The following LYPLAL1 variants were observed in gnomAD, a reference collection of about 807,000 sequenced individuals.
LYPLAL1 encodes the protein lysophospholipase-like protein 1.
Under a neutral mutation model 19.7 loss-of-function variants are expected in LYPLAL1, and 23 were observed. The ratio of observed to expected loss-of-function variants is 1.17; its 90% CI spans 0.84 to 1.65. LYPLAL1 has a LOEUF of 1.65. Ranked by LOEUF, LYPLAL1 falls within the 40% of genes most tolerant of loss-of-function variation. The pLI, the probability that LYPLAL1 is intolerant of heterozygous loss-of-function variation, is 0.00. For synonymous variants in LYPLAL1, 119 were observed against 96.3 expected (o/e 1.24, Z -1.38); for missense variants, 355 against 279.4 (o/e 1.27, Z -1.93).
chr1:219,418,124 T>C, the LYPLAL1 span, among the ~76,000 whole-genome samples: 7 of 152,162 alleles, frequency 4.6e-5, no homozygotes, highest in Admixed American at 1.3e-4. Flanking sequence ...GTTTACCTAT[T>C]TGGAATCAGA....
downstream of LYPLAL1, among the ~76,000 whole-genome samples, chr1:219,217,707 C>T (rs149582557): frequency 7.2e-5 from 11 of 152,146 alleles, no homozygotes; most frequent in African/African-American, 2.6e-4. Context: ...AGGCTGGGAA[C>T]CCTGGAGTTT....
chr1:219,248,033 ATTTC>A, the LYPLAL1 span, among the ~76,000 whole-genome samples: 2 of 152,182 alleles, frequency 1.3e-5, no homozygotes, highest in African/African-American at 4.8e-5. Context: ...TTCTCAAAGT[ATTTC>A]TTAATATGCA....
chr1:219,323,382 G>A, the LYPLAL1 span, among the ~76,000 whole-genome samples: 1 of 152,186 alleles, frequency 6.6e-6, no homozygotes, highest in African/African-American at 2.4e-5. Context: ...GTCTCATTAT[G>A]TGGCCTTCAT....
chr1:219,220,779 G>A, the LYPLAL1 span, among the ~76,000 whole-genome samples: 1 of 152,120 alleles, frequency 6.6e-6, no homozygotes, highest in Non-Finnish European at 1.5e-5. Flanking sequence ...CATTGTTGAA[G>A]TGTTTTGCAA....
At chr1:219,249,017 G>A in the LYPLAL1 span, among the ~76,000 whole-genome samples, 1 of 151,754 alleles carries the variant, frequency 6.6e-6, no homozygotes, top group African/African-American at 2.4e-5. Context: ...TAATATATTG[G>A]GACCATTATT....
At chr1:219,364,717 A>G in the LYPLAL1 span, among the ~76,000 whole-genome samples, 51 of 152,204 alleles carry the variant, frequency 3.4e-4, no homozygotes, top group African/African-American at 1.2e-3. Flanking sequence ...CTTCTGCAGA[A>G]GAATCAAACA....
chr1:219,220,404 A>G, the LYPLAL1 span, among the ~76,000 whole-genome samples: 14 of 150,736 alleles, frequency 9.3e-5, no homozygotes, highest in Non-Finnish European at 2.1e-4. Context: ...CCAGCCATCT[A>G]CTAGTACCAT....
At chr1:219,409,228 C>T in the LYPLAL1 span, among the ~76,000 whole-genome samples, 10 of 152,088 alleles carry the variant, frequency 6.6e-5, no homozygotes, top group South Asian at 2.1e-4. Context: ...ATGGGCAGAT[C>T]GCTTGAGCCC....
chr1:219,367,090 C>T, the LYPLAL1 span, among the ~76,000 whole-genome samples: 4 of 151,976 alleles, frequency 2.6e-5, no homozygotes, highest in Admixed American at 2.0e-4. Context: ...GCATTTACCC[C>T]GAGATAACTT....
At chr1:219,422,794 G>C in the LYPLAL1 span, among the ~76,000 whole-genome samples, 1 of 152,106 alleles carries the variant, frequency 6.6e-6, no homozygotes, top group Non-Finnish European at 1.5e-5. Flanking sequence ...GCAGAAACTT[G>C]ATCTTGCTAC....
At chr1:219,358,276 C>A in the LYPLAL1 span, among the ~76,000 whole-genome samples, 1 of 152,116 alleles carries the variant, frequency 6.6e-6, no homozygotes, top group African/African-American at 2.4e-5. Flanking sequence ...AAGTTGCTGA[C>A]TAAGTAACTT....
chr1:219,274,786 T>C, the LYPLAL1 span, among the ~76,000 whole-genome samples: 1 of 152,198 alleles, frequency 6.6e-6, no homozygotes. Flanking sequence ...CTGAAAGCAG[T>C]CAAAGGAATG....
At chr1:219,213,903 C>A (rs1188814114), downstream of LYPLAL1, among the ~76,000 whole-genome samples, 1 of 152,072 alleles carries the variant, frequency 6.6e-6, no homozygotes, top group South Asian at 2.1e-4. Context: ...TTGCATATTA[C>A]ACTGGCTAGA....
At chr1:219,185,057 T>G (rs562885303) in intron 2 of LYPLAL1, among the ~76,000 whole-genome samples, 6 of 152,078 alleles carry the variant, frequency 3.9e-5, no homozygotes, top group Admixed American at 1.3e-4. Context: ...TATGAAGGTT[T>G]TGATAATGAA....
At chr1:219,322,899 G>A in the LYPLAL1 span, among the ~76,000 whole-genome samples, 1 of 152,168 alleles carries the variant, frequency 6.6e-6, no homozygotes, top group Non-Finnish European at 1.5e-5. Flanking sequence ...GATTCTAAAT[G>A]CCAGTTTGTT....
the LYPLAL1 span, among the ~76,000 whole-genome samples, chr1:219,426,425 C>T: frequency 1.3e-5 from 2 of 152,092 alleles, no homozygotes; most frequent in Admixed American, 6.6e-5. Context: ...TGAGATTTTG[C>T]TTCTGTGGTA....
the LYPLAL1 span, among the ~76,000 whole-genome samples, chr1:219,392,602 G>T: frequency 6.6e-6 from 1 of 152,232 alleles, no homozygotes; most frequent in East Asian, 1.9e-4. Context: ...GATGTTAAAA[G>T]TCACCTAAAT....
the LYPLAL1 span, among the ~76,000 whole-genome samples, chr1:219,250,508 A>G: frequency 6.6e-6 from 1 of 152,066 alleles, no homozygotes; most frequent in East Asian, 1.9e-4. Flanking sequence ...GGTTTGTTAC[A>G]TAGGTAAACA....
the LYPLAL1 span, among the ~76,000 whole-genome samples, chr1:219,316,465 G>A: frequency 2.6e-5 from 4 of 152,088 alleles, no homozygotes; most frequent in Admixed American, 1.3e-4. Flanking sequence ...AGGATGAGTG[G>A]AAAGTGTTCT....
Sources: gnomAD v4.1 joint callset for allele counts (sites outside exome capture counted in the v4.1 genomes callset) on GRCh38, gnomAD v4.1.1 for gene constraint, MANE v1.5 for transcripts, NCBI Gene and HGNC (gene_info 2026-07-23, HGNC 2026-07-21) for gene names.